Variants in ADAMTSL1 observed in about 807,000 individuals in gnomAD.
ADAMTSL1 encodes the protein ADAMTS like 1.
A neutral mutation model predicts 201.8 loss-of-function variants in ADAMTSL1; 126 were observed. That is an observed-to-expected ratio of 0.62 (90% CI 0.54 to 0.72). ADAMTSL1 has a LOEUF of 0.72. Ranked by LOEUF, ADAMTSL1 falls within the 30% of genes least tolerant of loss-of-function variation. The probability of loss-of-function intolerance (pLI) is 0.00; values close to 1 mark genes in which losing one functional copy is unlikely to be tolerated. For missense variants in ADAMTSL1, 2,679 were observed against 2,277.8 expected (o/e 1.18, Z -3.59); for synonymous variants, 1,121 against 903.4 (o/e 1.24, Z -4.32).
chr9:18,566,778 T>C (rs1347208804), intron 3 of ADAMTSL1, among the ~76,000 whole-genome samples: 1 of 152,060 alleles, frequency 6.6e-6, no homozygotes, highest in Non-Finnish European at 1.5e-5. Context: ...GGGGCTCTCA[T>C]AAGACCATTC....
intron 5 of ADAMTSL1, among the ~76,000 whole-genome samples, chr9:18,628,537 A>G (rs1826543596): frequency 6.6e-6 from 1 of 152,118 alleles, no homozygotes; most frequent in Non-Finnish European, 1.5e-5. Context: ...TTGTTTTCAA[A>G]TTCATTTTGG....
chr9:18,537,002 G>A (rs1265887960), intron 3 of ADAMTSL1, among the ~76,000 whole-genome samples: 1 of 152,070 alleles, frequency 6.6e-6, no homozygotes, highest in Non-Finnish European at 1.5e-5. Flanking sequence ...CAACATAATA[G>A]GCCACACTGC....
At chr9:18,587,560 T>C (rs1823590973) in intron 4 of ADAMTSL1, among the ~76,000 whole-genome samples, 1 of 152,218 alleles carries the variant, frequency 6.6e-6, no homozygotes, top group Admixed American at 6.5e-5. Context: ...TTTTCCCCAC[T>C]GTACTGTCAA....
intron 5 of ADAMTSL1, among the ~76,000 whole-genome samples, chr9:18,631,401 C>T (rs949024328): frequency 3.9e-5 from 6 of 152,070 alleles, no homozygotes; most frequent in South Asian, 2.1e-4. Context: ...AAAACCGTCA[C>T]GAAGATGTAA....
chr9:18,761,382 C>T (rs1474679820), intron 16 of ADAMTSL1, among the ~76,000 whole-genome samples: 2 of 152,020 alleles, frequency 1.3e-5, no homozygotes, highest in Non-Finnish European at 2.9e-5. Context: ...AATTGTTTTC[C>T]TTATTGTGTA....
intron 2 of ADAMTSL1, among the ~76,000 whole-genome samples, chr9:18,358,021 A>G (rs1836332540): frequency 6.6e-6 from 1 of 152,190 alleles, no homozygotes; most frequent in Admixed American, 6.5e-5. Context: ...ATAGTGAATG[A>G]GAGCATTAGG....
At chr9:18,725,223 G>A (rs1233133234) in intron 15 of ADAMTSL1, among the ~76,000 whole-genome samples, 1 of 152,110 alleles carries the variant, frequency 6.6e-6, no homozygotes, top group Admixed American at 6.6e-5. Flanking sequence ...AACCTTTTAT[G>A]TTATCATGTA....
intron 2 of ADAMTSL1, among the ~76,000 whole-genome samples, chr9:18,442,842 T>C (rs1027883328): frequency 7.2e-5 from 11 of 152,218 alleles, no homozygotes; most frequent in African/African-American, 2.7e-4. Flanking sequence ...TGGTCGGTGC[T>C]GCCCTCCAAG....
chr9:18,517,900 G>A (rs1175678686), intron 2 of ADAMTSL1, among the ~76,000 whole-genome samples: 1 of 152,152 alleles, frequency 6.6e-6, no homozygotes, highest in African/African-American at 2.4e-5. Context: ...GAACAGATGT[G>A]AGGCCGAAAG....
At chr9:18,856,044 C>T (rs1218819605) in intron 23 of ADAMTSL1, among the ~76,000 whole-genome samples, 1 of 152,186 alleles carries the variant, frequency 6.6e-6, no homozygotes, top group East Asian at 1.9e-4. Flanking sequence ...ACTTTCCTGG[C>T]ATCTCAGATT....
chr9:18,319,490 T>TA (rs988041722), intron 2 of ADAMTSL1, among the ~76,000 whole-genome samples: 17 of 152,208 alleles, frequency 1.1e-4, no homozygotes, highest in African/African-American at 3.9e-4. Flanking sequence ...GATTTAAAGG[T>TA]AAAGTTTTCT....
chr9:18,740,478 C>CTTTTTTTTTT (rs11449360), intron 15 of ADAMTSL1, among the ~76,000 whole-genome samples: 4 of 105,676 alleles, frequency 3.8e-5, no homozygotes, highest in Non-Finnish European at 5.6e-5. Flanking sequence ...TTTCTTTTAT[C>CTTTTTTTTTT]TTTTTTTTTT....
At chr9:18,894,261 G>T (rs368764328) in intron 26 of ADAMTSL1, among the ~76,000 whole-genome samples, 55 of 151,720 alleles carry the variant, frequency 3.6e-4, no homozygotes, top group Middle Eastern at 6.9e-3. Context: ...GAGGCAGAAG[G>T]ATCACTTAAG....
chr9:18,488,706 T>A (rs1447481609), intron 1 of ADAMTSL1, among the ~76,000 whole-genome samples: 1 of 152,134 alleles, frequency 6.6e-6, no homozygotes, highest in Admixed American at 6.5e-5. Flanking sequence ...CCAATAAACA[T>A]CAGCAATTAT....
chr9:18,022,669 C>A (rs1279621930), intron 1 of ADAMTSL1, among the ~76,000 whole-genome samples: 6 of 151,972 alleles, frequency 3.9e-5, no homozygotes, highest in Non-Finnish European at 8.8e-5. Context: ...CTAAGAATGT[C>A]ATAAAGCAAA....
intron 2 of ADAMTSL1, among the ~76,000 whole-genome samples, chr9:18,252,073 C>G (rs1405952724): frequency 2.6e-5 from 4 of 151,318 alleles, no homozygotes; most frequent in African/African-American, 9.7e-5. Flanking sequence ...AAAAATGAAC[C>G]ATGTAACTTT....
intron 2 of ADAMTSL1, among the ~76,000 whole-genome samples, chr9:18,294,468 CTG>C (rs1563865787): frequency 6.6e-6 from 1 of 152,032 alleles, no homozygotes; most frequent in Non-Finnish European, 1.5e-5. Context: ...GCCCGTGTGA[CTG>C]TGTTTTCCTG....
At chr9:18,711,304 C>T (rs542786217) in intron 14 of ADAMTSL1, among the ~76,000 whole-genome samples, 28 of 152,278 alleles carry the variant, frequency 1.8e-4, no homozygotes, top group Middle Eastern at 3.4e-3. Context: ...ACGCAGAAGA[C>T]GGGTGATTTC....
chr9:18,504,831 T>A lies in ADAMTSL1; in HGVS notation c.66T>A (p.Ser22Arg). Residue 22 changes from serine (S) to arginine (R), a missense_variant and splice_region_variant, in exon 2 of 29, where the codon AGT (serine) becomes AGA (arginine). By Grantham distance (110) the Ser-to-Arg change is moderately radical (BLOSUM62 -1). Transcript: ENST00000380548. ...LLLFLAFLLL[S>R]SRTARSEEDR... Reference sequence around the variant, plus strand: ...GACCATTCTTTTGTTTCTCACAGAGTTCCAGGACCGCACGCTCCGAGGAGG... The same window carrying A: ...GACCATTCTTTTGTTTCTCACAGAGATCCAGGACCGCACGCTCCGAGGAGG... 6.2e-7 allele frequency: 1 copy of A among 1,614,170 alleles called. No homozygotes were observed. The highest frequency in any genetic ancestry group is 8.5e-7 in the Non-Finnish European group (1 of 1,180,020).
Sources: allele counts gnomAD v4.1 joint callset (sites outside exome capture counted in the v4.1 genomes callset), GRCh38; gene constraint gnomAD v4.1.1; transcripts MANE v1.5; gene names NCBI Gene and HGNC (gene_info 2026-07-23, HGNC 2026-07-21).